Variants in CCK observed in about 807,000 individuals in gnomAD.
CCK encodes the protein cholecystokinin triacontatriapeptide.
In CCK, 11 loss-of-function variants were observed where a neutral mutation model predicts 10.1. The observed-to-expected ratio is 1.09, with a 90% CI of 0.69 to 1.81. The LOEUF (loss-of-function observed/expected upper bound fraction) is 1.81, where lower values mean the gene tolerates loss of function less well. Ranked by LOEUF, CCK falls within the 40% of genes most tolerant of loss-of-function variation. The probability of loss-of-function intolerance (pLI) is 0.00; values close to 1 mark genes in which losing one functional copy is unlikely to be tolerated. For synonymous variants in CCK, 83 were observed against 71.9 expected, an observed-to-expected ratio of 1.15 and a Z score of -0.78; for missense variants, 137 against 159.9, an observed-to-expected ratio of 0.86 and a Z score of 0.77.
At chr3:42,265,186 C>T (rs1182676057) in intron 2 of CCK, 83 bp downstream of exon 2, 1 of 152,298 alleles carries the variant, frequency 6.6e-6, no homozygotes, top group Non-Finnish European at 1.5e-5. Flanking sequence ...CTGGGCAGGA[C>T]TGAGCATCAG....
chr3:42,259,711 G>C (rs1333096986), intron 4 of CCK, among the ~76,000 whole-genome samples: 1 of 152,152 alleles, frequency 6.6e-6, no homozygotes, highest in East Asian at 1.9e-4. Flanking sequence ...GAGTGAGCAG[G>C]GACATGAAGA....
chr3:42,263,560 G>A lies in CCK; in HGVS notation c.71C>T (p.Pro24Leu). 1.2e-6 allele frequency: 2 copies of A among 1,609,864 alleles called. No individual in the cohort carries two copies. The highest frequency in any genetic ancestry group is 1.7e-6 in the Non-Finnish European group (2 of 1,178,304). Residue 24 changes from proline to leucine, a missense_variant, in exon 4 of 5, where the codon CCT (proline) becomes CTT (leucine). Pro to Leu is a moderately conservative substitution (Grantham distance 98). Transcript: ENST00000396169. Reference sequence around the variant, plus strand: ...CCCGGAGCCCGCGGGATCTGCGGGAGGCACCGGCTGCGTCAGGGCGCCAGC... The same window carrying A: ...CCCGGAGCCCGCGGGATCTGCGGGAAGCACCGGCTGCGTCAGGGCGCCAGC... Reference protein sequence around the residue: ...LAAGALTQPVPPADPAGSGLQ... With the variant: ...LAAGALTQPVLPADPAGSGLQ...
chr3:42,261,523 G>A (rs1162709278), intron 4 of CCK, among the ~76,000 whole-genome samples: 1 of 152,164 alleles, frequency 6.6e-6, no homozygotes, highest in Non-Finnish European at 1.5e-5. Flanking sequence ...GCTGAGAAGA[G>A]GGACTAGAAA....
At position 42,265,409 on chromosome 3, in the gene CCK, C is replaced by T. The variant is rs949730387; in HGVS notation, c.-354G>A. On this transcript the variant is annotated 5_prime_UTR_variant, in exon 2 of 5. Coordinates refer to ENST00000396169, the MANE Select transcript of CCK (RefSeq NM_000729.6). ...GAAAGGGCTCTGGCCACAGCTGGCT[C>T]TTGGTGTCCTGGGCCTCTCTTGACG... is the stretch of plus-strand genomic sequence containing the variant. 1 of 152,408 alleles carries T rather than the reference C, an allele frequency of 6.6e-6. No homozygotes were observed. The highest frequency in any genetic ancestry group is 6.5e-5 in the Admixed American group (1 of 15,294). 9.4% of individuals were successfully genotyped at this position (152,408 alleles called of 1,614,324 possible). A position where few individuals can be genotyped will look rare whatever the true frequency, so the allele number is the denominator to read the frequency against.
chr3:42,263,773 G>T, intron 3 of CCK, 141 bp from the exon 4 acceptor site: 1 of 1,375,080 alleles, frequency 7.3e-7, no homozygotes, highest in Non-Finnish European at 9.5e-7. Flanking sequence ...ACGAGGGCTC[G>T]CCAAGCGCTG....
chr3:42,262,797 T>C (rs1233925299), intron 4 of CCK, among the ~76,000 whole-genome samples: 1 of 152,196 alleles, frequency 6.6e-6, no homozygotes, highest in Non-Finnish European at 1.5e-5. Context: ...AGAAAGACTT[T>C]GATGCTGAGA....
At chr3:42,263,813 C>G (rs1711251888) in intron 3 of CCK, 181 bp from the exon 4 acceptor site, 13 of 1,049,996 alleles carry the variant, frequency 1.2e-5, no homozygotes, top group South Asian at 1.1e-4. Context: ...GCGCGCGCCC[C>G]CGGGCGCACC....
chr3:42,265,103 G>C (rs142868139), intron 2 of CCK, 166 bp downstream of exon 2: 1 of 151,026 alleles, frequency 6.6e-6, no homozygotes, highest in African/African-American at 2.4e-5. Context: ...TGGAGAAGCT[G>C]CCGCTAGCTT....
Position 42,258,155 on chromosome 3 carries a change from G to A in CCK, c.291C>T (p.Tyr97=), listed in dbSNP as rs759165335. 11 of 1,614,144 alleles carry A rather than the reference G, an allele frequency of 6.8e-6. No individual in the cohort carries two copies. In the Admixed American group the frequency reaches 1.8e-4, roughly 27 times the overall value. Residue 97 remains tyrosine (Y), a synonymous_variant, in exon 5 of 5, where the codon TAC becomes TAT. Transcript: ENST00000396169. ...DPSHRISDRD[Y]MGWMDFGRRS... Reference sequence around the variant, plus strand: ...GACGGCCAAAATCCATCCAGCCCATGTAGTCCCGGTCACTTATCCTGTGGC... The same window carrying A: ...GACGGCCAAAATCCATCCAGCCCATATAGTCCCGGTCACTTATCCTGTGGC...
chr3:42,262,217 C>CTTTTTTTT (rs11298401), intron 4 of CCK, among the ~76,000 whole-genome samples: 1 of 101,244 alleles, frequency 9.9e-6, no homozygotes, highest in Admixed American at 1.1e-4. Flanking sequence ...TTGCTAAGTT[C>CTTTTTTTT]TTTTTTTTTT....
intron 2 of CCK, 121 bp downstream of exon 2, chr3:42,265,148 A>G (rs1236944932): frequency 1.6e-5 from 2 of 127,710 alleles, no homozygotes; most frequent in Non-Finnish European, 3.3e-5. Context: ...CTAGAAAGGA[A>G]ACTGGGGGCG....
chr3:42,261,689 AT>A (rs1711216538), intron 4 of CCK, among the ~76,000 whole-genome samples: 1 of 150,942 alleles, frequency 6.6e-6, no homozygotes, highest in Admixed American at 6.6e-5. Context: ...TTTTGCAGAT[AT>A]CCTCAGCCTA....
At chr3:42,258,970 T>C (rs1269513671) in intron 4 of CCK, among the ~76,000 whole-genome samples, 4 of 152,166 alleles carry the variant, frequency 2.6e-5, no homozygotes, top group Non-Finnish European at 2.9e-5. Context: ...CCATCAATGA[T>C]AGACTGGATA....
chr3:42,263,365 G>C (rs1304819430), intron 4 of CCK, 52 bp downstream of exon 4: 2 of 1,613,688 alleles, frequency 1.2e-6, no homozygotes, highest in South Asian at 1.1e-5. Flanking sequence ...GGTCAGCATC[G>C]GGAGCCTGGG....
At chr3:42,258,516 G>A (rs1475205485) in intron 4 of CCK, among the ~76,000 whole-genome samples, 1 of 152,146 alleles carries the variant, frequency 6.6e-6, no homozygotes, top group Admixed American at 6.5e-5. Flanking sequence ...CTTGCAGTCT[G>A]GGGACTTGCC....
At chr3:42,260,592 C>T (rs937557242) in intron 4 of CCK, among the ~76,000 whole-genome samples, 3 of 152,208 alleles carry the variant, frequency 2.0e-5, no homozygotes, top group African/African-American at 4.8e-5. Context: ...AGAGTAGGGG[C>T]TTACATCTGA....
intron 3 of CCK, chr3:42,263,941 GC>G (rs2149571846): frequency 2.9e-6 from 1 of 347,692 alleles, no homozygotes; most frequent in Non-Finnish European, 5.1e-6. Context: ...TTTGCAGAGT[GC>G]CTCTCTTCTA....
chr3:42,261,622 T>TC lies in CCK; in HGVS notation c.214+1794_214+1795insG, dbSNP rs1244783414. 7.3e-5 allele frequency among the ~76,000 whole-genome samples: 11 copies of TC among 150,654 alleles called. No individual in the cohort carries two copies. The South Asian group carries it at 2.1e-3, about 29-fold the overall frequency. On this transcript the variant is annotated intron_variant, in intron 4 of 4. Coordinates refer to ENST00000396169, the MANE Select transcript of CCK (RefSeq NM_000729.6). Reference sequence around the variant, plus strand: ...TTGGTAATGAGCTTTTTTTTTTTTCTTTTTTTTCCCTAGAGCAATTTTGGA... The same window carrying TC: ...TTGGTAATGAGCTTTTTTTTTTTTCTCTTTTTTTCCCTAGAGCAATTTTGGA...
chr3:42,262,218 T>TTTG (rs1491314785), intron 4 of CCK, among the ~76,000 whole-genome samples: 3 of 2,660 alleles, frequency 1.1e-3, no homozygotes, highest in Non-Finnish European at 2.4e-3. Flanking sequence ...TGCTAAGTTC[T>TTTG]TTTTTTTTTT....
Sources: allele counts gnomAD v4.1 joint callset (sites outside exome capture counted in the v4.1 genomes callset), GRCh38; gene constraint gnomAD v4.1.1; transcripts MANE v1.5; gene names NCBI Gene and HGNC (gene_info 2026-07-23, HGNC 2026-07-21).